Variants in GAREM1 observed in about 807,000 individuals in gnomAD.
The protein encoded by GAREM1 is GRB2-associated and regulator of MAPK protein 1.
GAREM1 carries 26 observed loss-of-function variants against 71.3 expected under a neutral mutation model. The ratio of observed to expected loss-of-function variants is 0.36; its 90% CI spans 0.27 to 0.51. The LOEUF (loss-of-function observed/expected upper bound fraction) is 0.51. Ranked by LOEUF, GAREM1 falls within the 20% of genes least tolerant of loss-of-function variation. The pLI is 0.95. For synonymous variants in GAREM1, 440 were observed against 433.2 expected (o/e 1.02, Z -0.20); for missense variants, 1,026 against 1,103.1 (o/e 0.93, Z 0.99).
intron 1 of GAREM1, among the ~76,000 whole-genome samples, chr18:32,399,165 G>A (rs2048286968): frequency 6.6e-6 from 1 of 152,126 alleles, no homozygotes; most frequent in Non-Finnish European, 1.5e-5. Flanking sequence ...TTGATGGGAA[G>A]TGTCTCAAAA....
intron 1 of GAREM1, among the ~76,000 whole-genome samples, chr18:32,460,406 G>A (rs865926773): frequency 1.1e-4 from 17 of 152,262 alleles, no homozygotes; most frequent in South Asian, 2.1e-4. Flanking sequence ...CAAAGCCCAC[G>A]TGGTATTCAA....
At chr18:32,378,055 TGTGC>T (rs1262872292) in intron 2 of GAREM1, among the ~76,000 whole-genome samples, 2 of 127,048 alleles carry the variant, frequency 1.6e-5, no homozygotes, top group African/African-American at 2.9e-5. Flanking sequence ...TGTGTGTGTG[TGTGC>T]GCGCGGGCGC....
intron 1 of GAREM1, among the ~76,000 whole-genome samples, chr18:32,441,498 C>T (rs1360496220): frequency 1.3e-5 from 2 of 152,148 alleles, no homozygotes; most frequent in African/African-American, 2.4e-5. Context: ...AAAATTAAAG[C>T]AGCAGATAAG....
intron 4 of GAREM1, among the ~76,000 whole-genome samples, chr18:32,273,099 C>T (rs182190588): frequency 2.6e-5 from 4 of 152,148 alleles, no homozygotes; most frequent in East Asian, 3.9e-4. Context: ...AGAAATAGGG[C>T]GCATGGAAAA....
chr18:32,450,103 A>G lies in GAREM1; in HGVS notation c.121+20205T>C, dbSNP rs188453575. On this transcript the variant is annotated intron_variant, in intron 1 of 5. Transcript: ENST00000269209. ...ATATTATTACAGTAAGGTTAAGTTA[A>G]TATCTTGCTGTCTGTGGCACAACCA... 1.6e-3 allele frequency among the ~76,000 whole-genome samples: 246 copies of G among 152,340 alleles called. 2 individuals are homozygous for G. The highest frequency in any genetic ancestry group is 5.7e-3 in the African/African-American group (237 of 41,578).
At chr18:32,428,107 C>A (rs1269765209) in intron 1 of GAREM1, among the ~76,000 whole-genome samples, 1 of 152,104 alleles carries the variant, frequency 6.6e-6, no homozygotes, top group African/African-American at 2.4e-5. Flanking sequence ...AGCCAGCCAC[C>A]TGGAGGAAAA....
At chr18:32,449,584 T>G (rs2048814961) in intron 1 of GAREM1, among the ~76,000 whole-genome samples, 1 of 152,158 alleles carries the variant, frequency 6.6e-6, no homozygotes, top group Non-Finnish European at 1.5e-5. Flanking sequence ...CATAAGAGGC[T>G]GAGGTGGGTG....
intron 1 of GAREM1, among the ~76,000 whole-genome samples, chr18:32,441,652 G>A (rs1353550181): frequency 1.3e-5 from 2 of 152,000 alleles, no homozygotes; most frequent in African/African-American, 2.4e-5. Context: ...AAAGCAGCTC[G>A]ACTGCTGCTT....
chr18:32,383,114 G>C (rs1469382969), intron 2 of GAREM1, among the ~76,000 whole-genome samples: 4 of 152,166 alleles, frequency 2.6e-5, no homozygotes, highest in African/African-American at 9.7e-5. Flanking sequence ...GCATTGGCTT[G>C]ACTCACTATT....
chr18:32,344,997 G>A (rs1392855564), intron 2 of GAREM1, among the ~76,000 whole-genome samples: 2 of 152,182 alleles, frequency 1.3e-5, no homozygotes, highest in African/African-American at 4.8e-5. Flanking sequence ...GGGAGGCGGA[G>A]GTTGCAGTAA....
intron 2 of GAREM1, among the ~76,000 whole-genome samples, chr18:32,364,875 G>GACACACAC (rs35309414): frequency 3.5e-5 from 5 of 144,478 alleles, no homozygotes; most frequent in African/African-American, 1.2e-4. Flanking sequence ...TAAGAGCACA[G>GACACACAC]ACACACACAC....
At chr18:32,325,927 T>C (rs2047471040) in intron 2 of GAREM1, among the ~76,000 whole-genome samples, 1 of 152,206 alleles carries the variant, frequency 6.6e-6, no homozygotes. Flanking sequence ...TCAATGAGCA[T>C]GTATGTCAGA....
intron 2 of GAREM1, among the ~76,000 whole-genome samples, chr18:32,375,919 C>G (rs1287548995): frequency 6.6e-6 from 1 of 152,146 alleles, no homozygotes; most frequent in East Asian, 1.9e-4. Flanking sequence ...ATAATCACTG[C>G]TGTGCAGCCA....
At chr18:32,450,287 T>C (rs1463406101) in intron 1 of GAREM1, among the ~76,000 whole-genome samples, 1 of 152,208 alleles carries the variant, frequency 6.6e-6, no homozygotes, top group East Asian at 1.9e-4. Context: ...TACTGCAAAA[T>C]CTAAGGGTAC....
chr18:32,390,429 A>G (rs571844711), intron 2 of GAREM1, among the ~76,000 whole-genome samples: 1 of 152,164 alleles, frequency 6.6e-6, no homozygotes, highest in Non-Finnish European at 1.5e-5. Context: ...CCAGCGATTC[A>G]TTCTATTTTG....
chr18:32,281,080 C>T (rs915799855), intron 4 of GAREM1, among the ~76,000 whole-genome samples: 1 of 152,168 alleles, frequency 6.6e-6, no homozygotes, highest in Non-Finnish European at 1.5e-5. Flanking sequence ...CCAAGTTCTT[C>T]GCACAGTACA....
intron 1 of GAREM1, among the ~76,000 whole-genome samples, chr18:32,402,893 T>C (rs557632962): frequency 8.7e-6 from 1 of 114,614 alleles, no homozygotes. Context: ...GTGGACCTTT[T>C]GGTTGGATTT....
At chr18:32,369,624 G>T (rs1034262020) in intron 2 of GAREM1, among the ~76,000 whole-genome samples, 1 of 152,108 alleles carries the variant, frequency 6.6e-6, no homozygotes, top group Non-Finnish European at 1.5e-5. Context: ...CAATACTTTT[G>T]TTGAAAACAT....
intron 1 of GAREM1, among the ~76,000 whole-genome samples, chr18:32,461,758 T>C (rs1296107638): frequency 2.0e-5 from 3 of 152,126 alleles, no homozygotes; most frequent in Non-Finnish European, 4.4e-5. Context: ...AAACAATACA[T>C]AAACCAGAAA....
Sources: gnomAD v4.1 joint callset for allele counts (sites outside exome capture counted in the v4.1 genomes callset) on GRCh38, gnomAD v4.1.1 for gene constraint, MANE v1.5 for transcripts, NCBI Gene and HGNC (gene_info 2026-07-23, HGNC 2026-07-21) for gene names.